CLIC6: variants seen among roughly 807,000 people sequenced by gnomAD.
The protein encoded by CLIC6 is chloride intracellular channel protein 6.
CLIC6 carries 39 observed loss-of-function variants against 49.2 expected under a neutral mutation model. The observed-to-expected ratio is 0.79, with a 90% CI of 0.61 to 1.04. CLIC6 has a LOEUF of 1.04. Ranked by LOEUF, CLIC6 falls within the 50% of genes least tolerant of loss-of-function variation. The pLI is 0.00. For missense variants in CLIC6, 988 were observed against 993.1 expected (o/e 0.99, Z 0.07); for synonymous variants, 446 against 433.4 (o/e 1.03, Z -0.36).
chr21:34,704,366 T>A (rs893515525), intron 1 of CLIC6, among the ~76,000 whole-genome samples: 3 of 152,198 alleles, frequency 2.0e-5, no homozygotes, highest in Non-Finnish European at 4.4e-5. Context: ...CATGTTCCCG[T>A]AACCCCCTCA....
chr21:34,680,001 C>T (rs997726757), intron 1 of CLIC6, among the ~76,000 whole-genome samples: 3 of 152,198 alleles, frequency 2.0e-5, no homozygotes, highest in Non-Finnish European at 4.4e-5. Flanking sequence ...TTCTCACAGC[C>T]CTACTAGGCA....
chr21:34,670,819 C>A, intron 1 of CLIC6, 57 bp downstream of exon 1: 1 of 1,528,374 alleles, frequency 6.5e-7, no homozygotes, highest in South Asian at 1.2e-5. Flanking sequence ...AGGTCTTGGT[C>A]ATCTCAGATC....
chr21:34,704,311 T>C (rs1378637901), intron 1 of CLIC6, among the ~76,000 whole-genome samples: 1 of 152,164 alleles, frequency 6.6e-6, no homozygotes, highest in Non-Finnish European at 1.5e-5. Flanking sequence ...CTGAAGCACA[T>C]TAAAGTAATA....
chr21:34,716,434 T>G lies in CLIC6; in HGVS notation c.2013T>G (p.Asp671Glu). 1 of 1,614,018 alleles carries G rather than the reference T, an allele frequency of 6.2e-7. No homozygotes were observed. Among genetic ancestry groups the G allele is most frequent in the Non-Finnish European group, 8.5e-7 (1 of 1,179,944 alleles). ...RDEFTNTCPADQEIEHAYSDV... is the reference protein window; with the variant it reads ...RDEFTNTCPAEQEIEHAYSDV... ...AGTTCACAAATACGTGTCCAGCTGA[T>G]CAAGAGATTGAACACGCATATTCAG... Residue 671 changes from aspartate (D) to glutamate (E), a missense_variant, in exon 6 of 6, where the codon GAT becomes GAG. Physicochemically the swap from Asp to Glu is conservative, Grantham distance 45. Coordinates refer to ENST00000349499, the MANE Select transcript of CLIC6 (RefSeq NM_053277.3).
intron 1 of CLIC6, among the ~76,000 whole-genome samples, chr21:34,688,114 C>T (rs1989916326): frequency 6.6e-6 from 1 of 152,178 alleles, no homozygotes; most frequent in Non-Finnish European, 1.5e-5. Context: ...AATGATGATA[C>T]ATGTTTCCTT....
intron 1 of CLIC6, among the ~76,000 whole-genome samples, chr21:34,694,282 AT>A (rs1361060223): frequency 7.3e-5 from 11 of 150,552 alleles, no homozygotes; most frequent in Non-Finnish European, 1.3e-4. Flanking sequence ...CCCGGCCAAG[AT>A]CTGGTTATTT....
At position 34,670,719 on chromosome 21, in the gene CLIC6, C is replaced by A. The variant is rs1217579219; in HGVS notation, c.1331C>A (p.Pro444His). The A allele has an allele frequency of 3.1e-6, 5 of 1,599,198 alleles. No individual in the cohort carries two copies. Among genetic ancestry groups the A allele is most frequent in the Non-Finnish European group, 4.2e-6 (5 of 1,177,116 alleles). Residue 444 changes from proline (P) to histidine (H), a missense_variant, in exon 1 of 6, where the codon CCC becomes CAC. By Grantham distance (77) the Pro-to-His change is moderately conservative. This residue lies in a region of CLIC6 where 647 missense variants were observed against 596.9 expected (regional missense o/e 1.08). Coordinates refer to ENST00000349499, the MANE Select transcript of CLIC6 (RefSeq NM_053277.3). ...GRREDGEASE[P>H]RALGQEHDIT... The stretch of plus-strand genomic sequence containing the variant: ...CGGGAGGACGGAGAGGCGTCCGAGC[C>A]CCGGGCCCTGGGGCAGGAGCACGAC...
chr21:34,704,342 C>T (rs776680837), intron 1 of CLIC6, among the ~76,000 whole-genome samples: 1 of 152,162 alleles, frequency 6.6e-6, no homozygotes, highest in Non-Finnish European at 1.5e-5. Flanking sequence ...GCAAGTCATC[C>T]CAGTCACTCC....
At chr21:34,703,416 T>A (rs2055993143) in intron 1 of CLIC6, among the ~76,000 whole-genome samples, 1 of 151,860 alleles carries the variant, frequency 6.6e-6, no homozygotes, top group African/African-American at 2.4e-5. Flanking sequence ...GCCAGGAATG[T>A]CTTGGGGAGT....
Position 34,669,510 on chromosome 21 carries a change from C to G in CLIC6, c.122C>G (p.Pro41Arg). The change falls in exon 1 of 6, where the codon CCG becomes CGG. Residue 41 changes from proline to arginine, a missense_variant. By Grantham distance (103) the Pro-to-Arg change is moderately radical. This residue lies in a region of CLIC6 where 284 missense variants were observed against 278.6 expected (regional missense o/e 1.02). Transcript: ENST00000349499. ...GCCGCGGGCGGGGAGGCAGAAGGGC[C>G]GGAGGGGAGCGAGGGCGCAGAGGAG... ...PGAAGGEAEG[P>R]EGSEGAEEAP... The G allele has an allele frequency of 4.0e-6, 5 of 1,239,448 alleles. No individual in the cohort carries two copies. Among genetic ancestry groups the G allele is most frequent in the Non-Finnish European group, 5.0e-6 (5 of 993,154 alleles). 76.8% of individuals were successfully genotyped at this position (1,239,448 alleles called of 1,614,324 possible). A position where few individuals can be genotyped will look rare whatever the true frequency, so the allele number is the denominator to read the frequency against.
chr21:34,670,262 G>A lies in CLIC6; in HGVS notation c.874G>A (p.Val292Ile). ...GGGTCCGGCAGGAAGGGCGCGCCGGGTCTCGGGTGAGCCGCAGCAATCGGG... is the reference window on the plus strand; with the variant it reads ...GGGTCCGGCAGGAAGGGCGCGCCGGATCTCGGGTGAGCCGCAGCAATCGGG... ...AEGPAGRARR[V>I]SGEPQQSGDG... The change falls in exon 1 of 6, where the codon GTC becomes ATC. Residue 292 changes from valine to isoleucine, a missense_variant. Physicochemically the swap from Val to Ile is conservative, Grantham distance 29. This residue lies in a region of CLIC6 where 647 missense variants were observed against 596.9 expected (regional missense o/e 1.08). Coordinates refer to ENST00000349499, the MANE Select transcript of CLIC6 (RefSeq NM_053277.3). 7.0e-7 allele frequency: 1 copy of A among 1,438,466 alleles called. No homozygotes were observed. 89.1% of individuals were successfully genotyped at this position (1,438,466 alleles called of 1,614,324 possible).
intron 1 of CLIC6, among the ~76,000 whole-genome samples, chr21:34,684,698 C>T (rs7276506): frequency 0.26 from 39,364 of 152,120 alleles, 5,695 homozygotes; most frequent in African/African-American, 0.38. Flanking sequence ...TTTCCTTCTT[C>T]CTCTTTCTAC....
intron 1 of CLIC6, among the ~76,000 whole-genome samples, chr21:34,677,228 A>T (rs1306368142): frequency 6.6e-6 from 1 of 152,168 alleles, no homozygotes; most frequent in East Asian, 1.9e-4. Context: ...TGAATTTAAG[A>T]CAGTCTCTTA....
At position 34,716,558 on chromosome 21, in the gene CLIC6, G is replaced by T; in HGVS notation, c.*76G>T. 3 of 1,264,382 alleles carry T rather than the reference G, an allele frequency of 2.4e-6. No individual in the cohort carries two copies. Among genetic ancestry groups the T allele is most frequent in the East Asian group, 2.7e-5 (1 of 37,542 alleles). 78.3% of individuals were successfully genotyped at this position (1,264,382 alleles called of 1,614,324 possible). A position where few individuals can be genotyped will look rare whatever the true frequency, so the allele number is the denominator to read the frequency against. The stretch of plus-strand genomic sequence containing the variant: ...AAACAGTGTGTTTGAAAACAAATTA[G>T]GTTTGGGTTCAATTCCTTCAATTTT... On this transcript the variant is annotated 3_prime_UTR_variant, in exon 6 of 6. Coordinates refer to ENST00000349499, the MANE Select transcript of CLIC6 (RefSeq NM_053277.3).
intron 1 of CLIC6, among the ~76,000 whole-genome samples, chr21:34,700,915 A>G (rs1990176571): frequency 1.4e-5 from 2 of 139,510 alleles, no homozygotes; most frequent in African/African-American, 5.7e-5. Context: ...TCTGGCTCCT[A>G]GATACGAATG....
intron 1 of CLIC6, among the ~76,000 whole-genome samples, chr21:34,673,233 C>T (rs1568956053): frequency 6.7e-6 from 1 of 149,990 alleles, no homozygotes; most frequent in African/African-American, 2.4e-5. Context: ...CAGTTGCTAA[C>T]TTTTTTTTTT....
rs1158546739 is a variant in CLIC6, at chr21:34,700,391, G to T, written c.1375-6889G>T. Among the ~76,000 whole-genome samples, 6 of 130,726 alleles carry T rather than the reference G, an allele frequency of 4.6e-5. 2 individuals are homozygous for T. The highest frequency in any genetic ancestry group is 1.9e-4 in the African/African-American group (6 of 31,248). The allele number at this position is 130,726 out of a possible 152,430, so 85.8% of individuals were successfully genotyped here. ...GAACCCGGGAGGCGGAGCTTGCAGT[G>T]AGCCGAGATCGCGCCACCGCACTCC... is the stretch of plus-strand genomic sequence containing the variant. On this transcript the variant is annotated intron_variant, in intron 1 of 5. Transcript: ENST00000349499.
At chr21:34,705,595 G>A (rs1048393698) in intron 1 of CLIC6, among the ~76,000 whole-genome samples, 36 of 152,204 alleles carry the variant, frequency 2.4e-4, no homozygotes, top group African/African-American at 8.7e-4. Flanking sequence ...GGCGTGGGGA[G>A]GGGAGAGTGG....
intron 1 of CLIC6, among the ~76,000 whole-genome samples, chr21:34,686,744 C>A (rs920385760): frequency 7.2e-5 from 11 of 152,296 alleles, no homozygotes; most frequent in African/African-American, 2.6e-4. Context: ...GCCATCTATG[C>A]AAGATGATGG....
Sources: allele counts gnomAD v4.1 joint callset (sites outside exome capture counted in the v4.1 genomes callset), GRCh38; gene constraint gnomAD v4.1.1; regional missense constraint gnomAD v4.1.1; transcripts MANE v1.5; gene names NCBI Gene and HGNC (gene_info 2026-07-23, HGNC 2026-07-21).